Variants in SLC1A7 observed in about 807,000 individuals in gnomAD.
SLC1A7 encodes the protein solute carrier family 1 member 7.
In SLC1A7, 40 loss-of-function variants were observed where a neutral mutation model predicts 47.7. The observed-to-expected ratio is 0.84, with a 90% CI of 0.65 to 1.09. SLC1A7 has a LOEUF of 1.09. Ranked by LOEUF, SLC1A7 falls within the 50% of genes least tolerant of loss-of-function variation. The pLI, the probability that SLC1A7 is intolerant of heterozygous loss-of-function variation, is 0.00. For synonymous variants in SLC1A7, 323 were observed against 325.6 expected, an observed-to-expected ratio of 0.99 and a Z score of 0.09; for missense variants, 746 against 769.5, an observed-to-expected ratio of 0.97 and a Z score of 0.36.
At chr1:53,133,762 C>T (rs997348685) in intron 2 of SLC1A7, among the ~76,000 whole-genome samples, 5 of 152,274 alleles carry the variant, frequency 3.3e-5, no homozygotes, top group South Asian at 2.1e-4. Flanking sequence ...TGTTCAAGGT[C>T]GTTCATGATT....
At chr1:53,090,898 C>T in intron 7 of SLC1A7, 92 bp from the exon 8 acceptor site, 1 of 1,549,512 alleles carries the variant, frequency 6.5e-7, no homozygotes, top group Non-Finnish European at 8.7e-7. Flanking sequence ...AGGCAGCCAC[C>T]CCGCCAGGAG....
chr1:53,123,125 A>G (rs985144270), intron 2 of SLC1A7, among the ~76,000 whole-genome samples: 6 of 152,228 alleles, frequency 3.9e-5, no homozygotes, highest in African/African-American at 1.4e-4. Flanking sequence ...TCACTGTCAG[A>G]CTGCCGGCCA....
intron 10 of SLC1A7, among the ~76,000 whole-genome samples, chr1:53,088,541 TAGA>T (rs922487199): frequency 2.0e-5 from 3 of 152,088 alleles, no homozygotes; most frequent in African/African-American, 7.2e-5. Context: ...CATTTGCCTG[TAGA>T]AGGAGCCTGA....
chr1:53,106,825 A>C (rs981077611), intron 3 of SLC1A7, among the ~76,000 whole-genome samples: 1 of 152,140 alleles, frequency 6.6e-6, no homozygotes, highest in African/African-American at 2.4e-5. Flanking sequence ...CACCAAAATA[A>C]ATTCCAAAAG....
chr1:53,096,274 C>T (rs562891502), intron 5 of SLC1A7, among the ~76,000 whole-genome samples: 5 of 131,358 alleles, frequency 3.8e-5, no homozygotes, highest in African/African-American at 1.3e-4. Flanking sequence ...TACACTCACA[C>T]ACACCGACTC....
At chr1:53,138,483 T>A (rs528433241) in intron 1 of SLC1A7, among the ~76,000 whole-genome samples, 166 of 152,118 alleles carry the variant, frequency 1.1e-3, no homozygotes, top group African/African-American at 3.9e-3. Flanking sequence ...TTTATTTTTG[T>A]TCTAGTTTCT....
intron 8 of SLC1A7, 63 bp from the exon 9 acceptor site, chr1:53,089,997 G>C (rs2150313539): frequency 6.3e-7 from 1 of 1,587,778 alleles, no homozygotes; most frequent in South Asian, 1.1e-5. Context: ...TCAGGGTCTG[G>C]CTCCAAGGAA....
chr1:53,137,029 G>GTAATCCCA (rs1645007857), intron 1 of SLC1A7, among the ~76,000 whole-genome samples: 1 of 151,574 alleles, frequency 6.6e-6, no homozygotes, highest in Non-Finnish European at 1.5e-5. Context: ...GCTTATGCCT[G>GTAATCCCA]TAATCCCAGC....
rs889015037 is a variant in SLC1A7, at chr1:53,134,503, T to C, written c.136-74A>G. On this transcript the variant is annotated intron_variant, in intron 1 of 10. Transcript: ENST00000371494. The stretch of plus-strand genomic sequence containing the variant: ...CAGTGGTTCCGTTCTTCACAGTCTT[T>C]GAAGCACTATCCCATCTGACTCCCC... The C allele has an allele frequency of 7.4e-6, 7 of 952,010 alleles. 1 individual carries two copies. Among genetic ancestry groups the C allele is most frequent in the Middle Eastern group, 4.3e-4 (2 of 4,664 alleles). The allele number at this position is 952,010 out of a possible 1,614,324, so 59.0% of individuals were successfully genotyped here. A position where few individuals can be genotyped will look rare whatever the true frequency, so the allele number is the denominator to read the frequency against.
intron 2 of SLC1A7, among the ~76,000 whole-genome samples, chr1:53,122,800 T>TCCTG (rs1403921982): frequency 2.6e-5 from 4 of 152,126 alleles, no homozygotes. Context: ...AGGAAGTCCT[T>TCCTG]CCTGGTGTCA....
chr1:53,098,170 T>A (rs1644522477), intron 5 of SLC1A7, among the ~76,000 whole-genome samples: 1 of 146,580 alleles, frequency 6.8e-6, no homozygotes, highest in African/African-American at 2.6e-5. Flanking sequence ...ACCCCGCCTC[T>A]GTACACTCAC....
chr1:53,108,375 ACAAT>A (rs139629156), intron 3 of SLC1A7: 13,712 of 592,196 alleles, frequency 0.023, 232 homozygotes, highest in Non-Finnish European at 0.029. Flanking sequence ...CTTTACAATT[ACAAT>A]CATTTTAAAT....
intron 5 of SLC1A7, among the ~76,000 whole-genome samples, chr1:53,098,860 T>C (rs909408554): frequency 1.3e-5 from 2 of 149,152 alleles, no homozygotes; most frequent in African/African-American, 5.0e-5. Context: ...TTACACACTC[T>C]GCCTCATTAC....
intron 5 of SLC1A7, chr1:53,102,192 A>G (rs11206095): frequency 0.2 from 31,090 of 152,188 alleles, 3,312 homozygotes; most frequent in Middle Eastern, 0.29. Context: ...CCCTCTGCAC[A>G]CCTGGCGTTT....
intron 3 of SLC1A7, among the ~76,000 whole-genome samples, chr1:53,111,538 G>A (rs1644701094): frequency 6.6e-6 from 1 of 152,156 alleles, no homozygotes; most frequent in African/African-American, 2.4e-5. Context: ...TGGCAGGGGA[G>A]GTGGAAGGGC....
At chr1:53,110,276 T>C (rs1644688045) in intron 3 of SLC1A7, among the ~76,000 whole-genome samples, 1 of 152,166 alleles carries the variant, frequency 6.6e-6, no homozygotes, top group South Asian at 2.1e-4. Context: ...TAACTTATTA[T>C]TATCAGAGTG....
intron 2 of SLC1A7, among the ~76,000 whole-genome samples, chr1:53,122,482 C>A (rs1644836397): frequency 6.6e-6 from 1 of 152,196 alleles, no homozygotes; most frequent in Non-Finnish European, 1.5e-5. Context: ...AGCATCATGG[C>A]TTACTCTTCT....
In SLC1A7 at chr1:53,114,832, C is replaced by T. The variant is rs78554438; in HGVS notation, c.357G>A (p.Ala119=). Residue 119 remains alanine (A), a synonymous_variant, in exon 3 of 11, where the codon GCG becomes GCA. Coordinates refer to ENST00000371494, the MANE Select transcript of SLC1A7 (RefSeq NM_006671.6). ...FMVSIIHPGS[A]AQKETTEQSG... is the part of the protein sequence containing the mutation. Reference sequence around the variant, plus strand: ...TCTGCTCCGTGGTCTCCTTCTGGGCCGCGCTGCCTGGGTGGATGATGGAGA... The same window carrying T: ...TCTGCTCCGTGGTCTCCTTCTGGGCTGCGCTGCCTGGGTGGATGATGGAGA... 77 of 1,614,194 alleles carry T rather than the reference C, an allele frequency of 4.8e-5. 1 individual carries two copies. Among genetic ancestry groups the T allele is most frequent in the East Asian group, 2.2e-4 (10 of 44,888 alleles).
rs35057194 is a variant in SLC1A7 at position 53,112,799 on chromosome 1, AG to A, written c.431+1958del. ...GAGGAGTCAACCAGAGCCCTGGTCT[AG>A]GGGATGTTGTAAGTAGCCAGATGGA... On this transcript the variant is annotated intron_variant, in intron 3 of 10. Coordinates refer to ENST00000371494, the MANE Select transcript of SLC1A7 (RefSeq NM_006671.6). Among the ~76,000 whole-genome samples the A allele has an allele frequency of 2.0e-5, 3 of 152,302 alleles. No homozygotes were observed. In the South Asian group the frequency reaches 6.2e-4, roughly 32 times the overall value.
Sources: allele counts gnomAD v4.1 joint callset (sites outside exome capture counted in the v4.1 genomes callset), GRCh38; gene constraint gnomAD v4.1.1; transcripts MANE v1.5; gene names NCBI Gene and HGNC (gene_info 2026-07-23, HGNC 2026-07-21).